The following IGDCC3 variants were observed in gnomAD, a reference collection of about 807,000 sequenced individuals.
IGDCC3 encodes the protein putative neuronal cell adhesion molecule.
In IGDCC3, 47 loss-of-function variants were observed where a neutral mutation model predicts 72.0. That is an observed-to-expected ratio of 0.65 (90% confidence interval 0.52 to 0.83). IGDCC3 has a LOEUF of 0.83. IGDCC3 is among the 40% of genes least tolerant of loss of function. The pLI, the probability that IGDCC3 is intolerant of heterozygous loss-of-function variation, is 0.00. For missense variants in IGDCC3, 1,038 were observed against 1,091.3 expected, an observed-to-expected ratio of 0.95 and a Z score of 0.69; for synonymous variants, 477 against 472.8, an observed-to-expected ratio of 1.01 and a Z score of -0.11.
intron 6 of IGDCC3, 86 bp downstream of exon 6, chr15:65,333,142 GCAGGGCGAGTCCAGGAGACTGGGGTGGGA>G (rs1390860567): frequency 2.3e-5 from 24 of 1,041,506 alleles, no homozygotes; most frequent in Non-Finnish European, 2.3e-5. Flanking sequence ...GGGGCGAGGG[GCAGGGCGAGTCCAGGAGACTGGGGTGGGA>G]CAGGGCCCTG....
At position 65,348,757 on chromosome 15, in the gene IGDCC3, C is replaced by T. The variant is rs184318908; in HGVS notation, c.410-12801G>A. ...GTTAGAGACCCCTCTCAGTAAAGTC[C>T]CTCTTGGCTAAGAACAGGTTTGGCA... On this transcript the variant is annotated intron_variant, in intron 2 of 13. Transcript: ENST00000327987. Among the ~76,000 whole-genome samples, 20 of 152,252 alleles carry T rather than the reference C, an allele frequency of 1.3e-4. No individual in the cohort carries two copies. The East Asian group carries it at 3.9e-3, about 29-fold the overall frequency.
At chr15:65,336,101 G>A in intron 2 of IGDCC3, 145 bp from the exon 3 acceptor site, 1 of 776,472 alleles carries the variant, frequency 1.3e-6, no homozygotes. Flanking sequence ...AATAGCTTGG[G>A]GGACCCATCA....
intron 2 of IGDCC3, among the ~76,000 whole-genome samples, chr15:65,370,521 T>A (rs66935111): frequency 0.13 from 18,248 of 136,676 alleles, 2,033 homozygotes; most frequent in East Asian, 0.42. Context: ...AAAAAATATA[T>A]ATATATATAT....
At position 65,329,022 on chromosome 15, in the gene IGDCC3, C is replaced by T. The variant is rs561788751; in HGVS notation, c.2332G>A (p.Gly778Ser). The part of the protein sequence containing the change: ...KTTEATAPCA[G>S]LAAAPPPPDG... ...GGGGGTGGTGGGGCAGCCGCCAGGC[C>T]GGCGCAGGGAGCCGTGGCCTCTGTG... Residue 778 changes from glycine (G) to serine (S), a missense_variant, in exon 14 of 14, where the codon GGC (glycine) becomes AGC (serine). Coordinates refer to ENST00000327987, the MANE Select transcript of IGDCC3 (RefSeq NM_004884.4). The surrounding 1 kb of genome is among the most constrained non-coding windows in gnomAD (Gnocchi z 4.1). 120 of 1,612,274 alleles carry T rather than the reference C, an allele frequency of 7.4e-5. No homozygotes were observed. Among genetic ancestry groups the T allele is most frequent in the Admixed American group, 2.7e-4 (16 of 59,860 alleles).
intron 2 of IGDCC3, among the ~76,000 whole-genome samples, chr15:65,337,831 C>T (rs1355063147): frequency 6.6e-6 from 1 of 152,194 alleles, no homozygotes; most frequent in Non-Finnish European, 1.5e-5. Flanking sequence ...GCCTCCTCTT[C>T]ACTCCAGCTG....
At chr15:65,350,887 T>C (rs910651163) in intron 2 of IGDCC3, among the ~76,000 whole-genome samples, 4 of 152,236 alleles carry the variant, frequency 2.6e-5, no homozygotes, top group African/African-American at 4.8e-5. Context: ...AGAGTTAACA[T>C]TATAACATGT....
intron 2 of IGDCC3, among the ~76,000 whole-genome samples, chr15:65,370,566 A>G (rs11853302): frequency 1.6e-5 from 2 of 123,894 alleles, no homozygotes; most frequent in East Asian, 2.7e-4. Context: ...GTGTATATAT[A>G]TATGTATGTA....
At position 65,368,158 on chromosome 15, in the gene IGDCC3, A is replaced by ACT. The variant is rs201883467; in HGVS notation, c.409+6937_409+6938dup. On this transcript the variant is annotated intron_variant, in intron 2 of 13. Transcript: ENST00000327987. Reference sequence around the variant, plus strand: ...TACTGTGGAAAACTCTCTCTCTTTCACTCACACACACACACACACACACAC... The same window carrying ACT: ...TACTGTGGAAAACTCTCTCTCTTTCACTCTCACACACACACACACACACACAC... 1.1e-3 allele frequency among the ~76,000 whole-genome samples: 39 copies of ACT among 35,636 alleles called. No homozygotes were observed. In the East Asian group the frequency reaches 0.044, roughly 40 times the overall value. The allele number at this position is 35,636 out of a possible 152,430, so 23.4% of individuals were successfully genotyped here.
intron 2 of IGDCC3, among the ~76,000 whole-genome samples, chr15:65,357,643 T>G (rs999572293): frequency 6.6e-6 from 1 of 152,236 alleles, no homozygotes; most frequent in East Asian, 1.9e-4. Context: ...CAAGCACTAG[T>G]AGTGACAGTG....
chr15:65,377,555 C>A lies in IGDCC3; in HGVS notation c.103+131G>T, dbSNP rs531584366. On this transcript the variant is annotated intron_variant, in intron 1 of 13. Transcript: ENST00000327987. This position sits in a 1 kb window ranked among gnomAD's most constrained non-coding sequence, Gnocchi z 4.9. ...CTCTCCCCGTCCGGATCCGCAGGGT[C>A]CCCCCCGCGCGGGGTCCGCCCTCAG... 1.1e-3 allele frequency: 967 copies of A among 897,152 alleles called. 4 individuals are homozygous for A. The highest frequency in any genetic ancestry group is 1.3e-3 in the Non-Finnish European group (880 of 684,326). 55.6% of individuals were successfully genotyped at this position (897,152 alleles called of 1,614,324 possible).
intron 2 of IGDCC3, among the ~76,000 whole-genome samples, chr15:65,356,859 T>TTTTTTTTTTTTTTTTTTTTG: frequency 7.3e-6 from 1 of 136,500 alleles, no homozygotes; most frequent in East Asian, 2.1e-4. Flanking sequence ...TTTTTTTTTT[T>TTTTTTTTTTTTTTTTTTTTG]TTTTTTTTGA....
In IGDCC3 at chr15:65,339,134, T is replaced by G. The variant is rs529777056; in HGVS notation, c.410-3178A>C. Among the ~76,000 whole-genome samples the G allele has an allele frequency of 2.0e-5, 3 of 152,244 alleles. No homozygotes were observed. The highest frequency in any genetic ancestry group is 2.1e-4 in the South Asian group (1 of 4,826). On this transcript the variant is annotated intron_variant, in intron 2 of 13. Transcript: ENST00000327987. The surrounding 1 kb of genome is among the most constrained non-coding windows in gnomAD (Gnocchi z 4.1). ...TCTTGCTCTGTCACCCAGGCTGGAG[T>G]GCAATGGCATGATCTCAGCTCACCG...
intron 2 of IGDCC3, among the ~76,000 whole-genome samples, chr15:65,338,314 G>C (rs1208101921): frequency 2.6e-5 from 4 of 152,170 alleles, no homozygotes; most frequent in African/African-American, 9.7e-5. Flanking sequence ...TAATTTGAAG[G>C]GTAGCTTTGC....
Position 65,367,433 on chromosome 15 carries a change from C to T in IGDCC3, c.409+7664G>A, listed in dbSNP as rs146312393. Among the ~76,000 whole-genome samples, 204 of 150,608 alleles carry T rather than the reference C, an allele frequency of 1.4e-3. 1 individual carries two copies. Among genetic ancestry groups the T allele is most frequent in the African/African-American group, 4.5e-3 (186 of 40,928 alleles). ...AGGAGATATACCTAATGCTAAATGA[C>T]GAGTTAATGGGTGCAGCACACCAGC... On this transcript the variant is annotated intron_variant, in intron 2 of 13. Transcript: ENST00000327987.
At chr15:65,368,285 G>A (rs995816091) in intron 2 of IGDCC3, among the ~76,000 whole-genome samples, 53 of 152,138 alleles carry the variant, frequency 3.5e-4, no homozygotes, top group African/African-American at 1.1e-3. Flanking sequence ...TCTCCCTGGG[G>A]GTGGGGAGGG....
intron 2 of IGDCC3, among the ~76,000 whole-genome samples, chr15:65,363,514 C>G (rs576804000): frequency 6.6e-6 from 1 of 152,200 alleles, no homozygotes. Flanking sequence ...GAGTCGGCCC[C>G]GTGGGCGTGT....
chr15:65,352,674 G>T (rs1196287151), intron 2 of IGDCC3, among the ~76,000 whole-genome samples: 1 of 152,162 alleles, frequency 6.6e-6, no homozygotes, highest in Admixed American at 6.5e-5. Context: ...CTCATCTAAG[G>T]TTCCTTCTAT....
chr15:65,337,435 T>A (rs2091040609), intron 2 of IGDCC3, among the ~76,000 whole-genome samples: 1 of 151,942 alleles, frequency 6.6e-6, no homozygotes, highest in Non-Finnish European at 1.5e-5. Context: ...GTACCTCTGG[T>A]TCTGTGCAGG....
intron 2 of IGDCC3, among the ~76,000 whole-genome samples, chr15:65,362,708 G>A (rs1028736230): frequency 2.0e-5 from 3 of 152,110 alleles, no homozygotes; most frequent in African/African-American, 7.2e-5. Flanking sequence ...TTCAGGGAGG[G>A]AGCTTGAACC....
Sources: gnomAD v4.1 joint callset for allele counts (sites outside exome capture counted in the v4.1 genomes callset) on GRCh38, gnomAD v4.1.1 for gene constraint, Gnocchi (gnomAD v3.1) non-coding constraint, MANE v1.5 for transcripts, NCBI Gene and HGNC (gene_info 2026-07-23, HGNC 2026-07-21) for gene names.